INPP1: variants seen among roughly 807,000 people sequenced by gnomAD.
INPP1 encodes the protein inositol polyphosphate-1-phosphatase.
In INPP1, 18 loss-of-function variants were observed where a neutral mutation model predicts 23.0. The ratio of observed to expected loss-of-function variants is 0.78; its 90% CI spans 0.54 to 1.16. The LOEUF (loss-of-function observed/expected upper bound fraction) is 1.16. Ranked by LOEUF, INPP1 falls within the 50% of genes most tolerant of loss-of-function variation. The pLI, the probability that INPP1 is intolerant of heterozygous loss-of-function variation, is 0.00. For synonymous variants in INPP1, 164 were observed against 176.3 expected (o/e 0.93, Z 0.55); for missense variants, 448 against 482.1 (o/e 0.93, Z 0.66).
chr2:190,366,993 T>C (rs1334418854), intron 5 of INPP1, 98 bp downstream of exon 5: 15 of 737,388 alleles, frequency 2.0e-5, no homozygotes, highest in Non-Finnish European at 1.4e-5. Flanking sequence ...TTGAGTGTAG[T>C]TTAACTCTGC....
chr2:190,363,832 A>G lies in INPP1; in HGVS notation c.265+1145A>G, dbSNP rs1689582999. 6.6e-6 allele frequency among the ~76,000 whole-genome samples: 1 copy of G among 152,234 alleles called. No homozygotes were observed. Among genetic ancestry groups the G allele is most frequent in the South Asian group, 2.1e-4 (1 of 4,832 alleles). On this transcript the variant is annotated intron_variant, in intron 4 of 6. Transcript: ENST00000392329. This position sits in a 1 kb window ranked among gnomAD's most constrained non-coding sequence, Gnocchi z 4.4. ...ATACATCATTTGTCTAGAATTATAG[A>G]GGCAAAAGGCATAGCCACATCCATT... is the stretch of plus-strand genomic sequence containing the variant.
chr2:190,351,428 A>G (rs76940111), intron 2 of INPP1, among the ~76,000 whole-genome samples: 1 of 152,306 alleles, frequency 6.6e-6, no homozygotes, highest in African/African-American at 2.4e-5. Flanking sequence ...TGTAACCATC[A>G]CTCATATCCA....
At chr2:190,362,560 A>C in intron 3 of INPP1, 67 bp from the exon 4 acceptor site, 1 of 890,008 alleles carries the variant, frequency 1.1e-6, no homozygotes, top group African/African-American at 1.7e-5. Context: ...TAAAATTGAA[A>C]TCTGTTCAGA....
chr2:190,355,085 C>T lies in INPP1; in HGVS notation c.-64-4954C>T, dbSNP rs2124923768. On this transcript the variant is annotated intron_variant, in intron 2 of 6. Coordinates refer to ENST00000392329, the MANE Select transcript of INPP1 (RefSeq NM_001128928.2). The surrounding 1 kb of genome is among the most constrained non-coding windows in gnomAD (Gnocchi z 5.1). ...TTTCACTGGCTAGAGTACTGGTCAA[C>T]AGTGGGGGCTTCTGCCAGCTTGCCT... is the stretch of plus-strand genomic sequence containing the variant. 6.6e-6 allele frequency among the ~76,000 whole-genome samples: 1 copy of T among 152,128 alleles called. No homozygotes were observed. Among genetic ancestry groups the T allele is most frequent in the South Asian group, 2.1e-4 (1 of 4,814 alleles).
intron 6 of INPP1, among the ~76,000 whole-genome samples, chr2:190,370,605 T>C (rs1371585731): frequency 6.6e-6 from 1 of 152,226 alleles, no homozygotes; most frequent in African/African-American, 2.4e-5. Context: ...CCTAGATTGA[T>C]GTGATAATGC....
At position 190,356,250 on chromosome 2, in the gene INPP1, C is replaced by T. The variant is rs1689418863; in HGVS notation, c.-64-3789C>T. 6.6e-6 allele frequency among the ~76,000 whole-genome samples: 1 copy of T among 152,166 alleles called. No individual in the cohort carries two copies. ...TTCAATCTGAAACTGGGCAGTTCAA[C>T]CTGGAACTTGACAAAATATGACAGT... On this transcript the variant is annotated intron_variant, in intron 2 of 6. Transcript: ENST00000392329. The surrounding 1 kb of genome is among the most constrained non-coding windows in gnomAD (Gnocchi z 6.4).
intron 3 of INPP1, 139 bp from the exon 4 acceptor site, chr2:190,362,488 T>G: frequency 5.9e-6 from 3 of 510,372 alleles, no homozygotes; most frequent in East Asian, 3.4e-5. Flanking sequence ...TATACTTGGA[T>G]TGGTTTCTAG....
At position 190,369,171 on chromosome 2, in the gene INPP1, C is replaced by A; in HGVS notation, c.535C>A (p.Leu179Ile). Residue 179 changes from leucine (L) to isoleucine (I), a missense_variant, in exon 6 of 7, where the codon CTT (leucine) becomes ATT (isoleucine). Physicochemically the swap from Leu to Ile is conservative, Grantham distance 5 (BLOSUM62 2). Coordinates refer to ENST00000392329, the MANE Select transcript of INPP1 (RefSeq NM_001128928.2). Reference sequence around the variant, plus strand: ...CAACCAGGGAATCTTCCCCTGTGGACTTCAGTGTGTCACCATTTTAATTGG... The same window carrying A: ...CAACCAGGGAATCTTCCCCTGTGGAATTCAGTGTGTCACCATTTTAATTGG... ...KSNQGIFPCG[L>I]QCVTILIGVY... 1 of 1,609,366 alleles carries A rather than the reference C, an allele frequency of 6.2e-7. No homozygotes were observed. Among genetic ancestry groups the A allele is most frequent in the South Asian group, 1.1e-5 (1 of 90,716 alleles).
chr2:190,350,504 G>A (rs1215620129), intron 2 of INPP1, among the ~76,000 whole-genome samples: 1 of 152,144 alleles, frequency 6.6e-6, no homozygotes, highest in African/African-American at 2.4e-5. Flanking sequence ...CACAGCTTTA[G>A]CACAGGCTTC....
At position 190,367,920 on chromosome 2, in the gene INPP1, A is replaced by G. The variant is rs1689714302; in HGVS notation, c.466+1025A>G. Among the ~76,000 whole-genome samples the G allele has an allele frequency of 6.6e-6, 1 of 152,090 alleles. No individual in the cohort carries two copies. The highest frequency in any genetic ancestry group is 2.4e-5 in the African/African-American group (1 of 41,404). ...ATACAAGTTCTAGGTAATAATTTTA[A>G]TAAGCTCCCCCTTCCTTTTTTTTCT... On this transcript the variant is annotated intron_variant, in intron 5 of 6. Transcript: ENST00000392329. The surrounding 1 kb of genome is among the most constrained non-coding windows in gnomAD (Gnocchi z 4.1).
In INPP1 at chr2:190,371,389, A is replaced by G. The variant is rs1429069498; in HGVS notation, c.1187A>G (p.Glu396Gly). The G allele has an allele frequency of 6.6e-7, 1 of 1,524,284 alleles. No individual in the cohort carries two copies. The highest frequency in any genetic ancestry group is 8.8e-7 in the Non-Finnish European group (1 of 1,138,272). The allele number at this position is 1,524,284 out of a possible 1,614,324, so 94.4% of individuals were successfully genotyped here. Residue 396 changes from glutamate to glycine, a missense_variant, in exon 7 of 7, where the codon GAG becomes GGG. Physicochemically the swap from Glu to Gly is moderately conservative, Grantham distance 98. Coordinates refer to ENST00000392329, the MANE Select transcript of INPP1 (RefSeq NM_001128928.2). The surrounding 1 kb of genome is among the most constrained non-coding windows in gnomAD (Gnocchi z 5.3). ...CTGGTCCAAAACCTGGCACCTGCAG[A>G]GACGCATACCTAGAGGAACTCTAAC... ...SLLVQNLAPA[E>G]THT
rs908596022 is a variant in INPP1, at chr2:190,367,528, T to C, written c.466+633T>C. ...GGTCATGATTGTGATAGAACCATAATGTATAATCCATTGTTTTGAAAATGT... is the reference window on the plus strand; with the variant it reads ...GGTCATGATTGTGATAGAACCATAACGTATAATCCATTGTTTTGAAAATGT... On this transcript the variant is annotated intron_variant, in intron 5 of 6. Transcript: ENST00000392329. The surrounding 1 kb of genome is among the most constrained non-coding windows in gnomAD (Gnocchi z 4.1). Among the ~76,000 whole-genome samples the C allele has an allele frequency of 6.6e-6, 1 of 152,184 alleles. No individual in the cohort carries two copies. The highest frequency in any genetic ancestry group is 2.4e-5 in the African/African-American group (1 of 41,428).
In INPP1 at chr2:190,367,168, T is replaced by C. The variant is rs1299109686; in HGVS notation, c.466+273T>C. Among the ~76,000 whole-genome samples the C allele has an allele frequency of 6.6e-6, 1 of 152,108 alleles. No homozygotes were observed. Among genetic ancestry groups the C allele is most frequent in the Admixed American group, 6.6e-5 (1 of 15,266 alleles). The stretch of plus-strand genomic sequence containing the variant: ...ATACATACAGGCACACATGCAAAGA[T>C]GAATTAACTTCTCTTCAAAAGACTT... On this transcript the variant is annotated intron_variant, in intron 5 of 6. Transcript: ENST00000392329. The surrounding 1 kb of genome is among the most constrained non-coding windows in gnomAD (Gnocchi z 4.1).
intron 4 of INPP1, 112 bp from the exon 5 acceptor site, chr2:190,366,583 C>G (rs577723436): frequency 1.3e-6 from 1 of 789,920 alleles, no homozygotes; most frequent in South Asian, 1.6e-5. Context: ...CGCTCTCTCT[C>G]TGTCTCTCTC....
intron 4 of INPP1, 44 bp downstream of exon 4, chr2:190,362,731 T>A: frequency 7.8e-7 from 1 of 1,284,618 alleles, no homozygotes; most frequent in Non-Finnish European, 1.1e-6. Context: ...TTAATTATCA[T>A]ATGGTATTCT....
intron 4 of INPP1, 93 bp downstream of exon 4, chr2:190,362,780 C>T (rs1311622605): frequency 1.1e-5 from 8 of 740,346 alleles, no homozygotes; most frequent in Non-Finnish European, 1.7e-5. Context: ...GTTTGGAAGC[C>T]ACTTACTGTA....
chr2:190,361,504 CTTTTTTACTT>C (rs1689533180), intron 3 of INPP1, among the ~76,000 whole-genome samples: 2 of 152,022 alleles, frequency 1.3e-5, no homozygotes, highest in Non-Finnish European at 2.9e-5. Flanking sequence ...ATTTATTTTT[CTTTTTTACTT>C]ATCAATATAG....
rs536699710 is a variant in INPP1, at chr2:190,354,758, T to C, written c.-64-5281T>C. 6.6e-6 allele frequency among the ~76,000 whole-genome samples: 1 copy of C among 152,316 alleles called. No individual in the cohort carries two copies. Among genetic ancestry groups the C allele is most frequent in the East Asian group, 1.9e-4 (1 of 5,190 alleles). Reference sequence around the variant, plus strand: ...GGCATGCCCCCTGCCATCAATGCCATGACAGTTAAGGGAGACATCAGTGGA... The same window carrying C: ...GGCATGCCCCCTGCCATCAATGCCACGACAGTTAAGGGAGACATCAGTGGA... On this transcript the variant is annotated intron_variant, in intron 2 of 6. Coordinates refer to ENST00000392329, the MANE Select transcript of INPP1 (RefSeq NM_001128928.2). The surrounding 1 kb of genome is among the most constrained non-coding windows in gnomAD (Gnocchi z 4.8).
In INPP1 at chr2:190,367,368, TC is replaced by T. The variant is rs1203534677; in HGVS notation, c.466+476del. 6.6e-6 allele frequency among the ~76,000 whole-genome samples: 1 copy of T among 152,102 alleles called. No individual in the cohort carries two copies. The highest frequency in any genetic ancestry group is 1.5e-5 in the Non-Finnish European group (1 of 68,012). On this transcript the variant is annotated intron_variant, in intron 5 of 6. Transcript: ENST00000392329. The surrounding 1 kb of genome is among the most constrained non-coding windows in gnomAD (Gnocchi z 4.1). ...AAAATCCAAGGTTTTCAGCGATATA[TC>T]CCAATTTCTAACCGTTAGCTACTAA...
Sources: gnomAD v4.1 joint callset for allele counts (sites outside exome capture counted in the v4.1 genomes callset) on GRCh38, gnomAD v4.1.1 for gene constraint, Gnocchi (gnomAD v3.1) non-coding constraint, MANE v1.5 for transcripts, NCBI Gene and HGNC (gene_info 2026-07-23, HGNC 2026-07-21) for gene names.